The following TESK2 variants were observed in gnomAD, a reference collection of about 807,000 sequenced individuals.
TESK2 encodes dual specificity testis-specific protein kinase 2.
In TESK2, 39 loss-of-function variants were observed where a neutral mutation model predicts 57.1. The observed-to-expected ratio is 0.68, with a 90% CI of 0.53 to 0.89. TESK2 has a LOEUF of 0.89. TESK2 is among the 40% of genes least tolerant of loss of function. The pLI, the probability that TESK2 is intolerant of heterozygous loss-of-function variation, is 0.00. For synonymous variants in TESK2, 249 were observed against 267.9 expected (o/e 0.93, Z 0.69); for missense variants, 646 against 732.1 (o/e 0.88, Z 1.36).
chr1:45,345,559 C>G lies in TESK2; in HGVS notation c.998-1G>C. 6.2e-7 allele frequency: 1 copy of G among 1,611,280 alleles called. No individual in the cohort carries two copies. Among genetic ancestry groups the G allele is most frequent in the African/African-American group, 1.3e-5 (1 of 74,954 alleles). On this transcript the variant is annotated splice_acceptor_variant, in intron 10 of 10. Transcript: ENST00000372086. LOFTEE classifies it high-confidence loss of function. ...ACCCCAGGTGCTTTCTCCAAGAGTC[C>G]TGAAGAATAATCAAGTCTGGGTTAC...
chr1:45,399,005 A>AAAC, intron 3 of TESK2: 2 of 435,328 alleles, frequency 4.6e-6, no homozygotes, highest in South Asian at 1.7e-5. Context: ...AAAAAAAAAA[A>AAAC]AACAAGCCTT....
intron 2 of TESK2, among the ~76,000 whole-genome samples, chr1:45,432,920 C>T (rs1215857074): frequency 6.6e-6 from 1 of 150,648 alleles, no homozygotes; most frequent in Non-Finnish European, 1.5e-5. Context: ...CATGCCGCCA[C>T]ACCCAGCTAA....
chr1:45,485,197 G>GT (rs111369971), intron 1 of TESK2, among the ~76,000 whole-genome samples: 29,809 of 147,896 alleles, frequency 0.2, 3,419 homozygotes, highest in Non-Finnish European at 0.27. Context: ...TTTGTTTTTT[G>GT]TTTTTTTTTG....
At chr1:45,370,566 G>C (rs930984964) in intron 4 of TESK2, among the ~76,000 whole-genome samples, 1 of 152,134 alleles carries the variant, frequency 6.6e-6, no homozygotes, top group Non-Finnish European at 1.5e-5. Flanking sequence ...CATAGGAGGG[G>C]TACCAAACTA....
intron 3 of TESK2, chr1:45,398,974 C>T: frequency 2.9e-6 from 1 of 348,388 alleles, no homozygotes; most frequent in Non-Finnish European, 5.3e-6. Context: ...CTCCATTGGA[C>T]TAGGACCTGA....
chr1:45,476,839 T>G (rs1415461369), intron 1 of TESK2, among the ~76,000 whole-genome samples: 1 of 150,618 alleles, frequency 6.6e-6, no homozygotes, highest in East Asian at 2.0e-4. Flanking sequence ...AGAGTGAGAC[T>G]CCATCTCAAA....
At chr1:45,391,042 C>T (rs1425271482) in intron 3 of TESK2, among the ~76,000 whole-genome samples, 6 of 151,736 alleles carry the variant, frequency 4.0e-5, no homozygotes, top group South Asian at 2.1e-4. Flanking sequence ...CCCAGCCTCC[C>T]GAGTAGCTGG....
chr1:45,465,410 A>C (rs1202264794), intron 1 of TESK2, among the ~76,000 whole-genome samples: 3 of 113,088 alleles, frequency 2.7e-5, no homozygotes, highest in Non-Finnish European at 5.6e-5. Flanking sequence ...GACTCCAAAA[A>C]AGAAAGAGAG....
chr1:45,390,762 ATTG>A (rs1649102892), intron 3 of TESK2, among the ~76,000 whole-genome samples: 1 of 149,326 alleles, frequency 6.7e-6, no homozygotes, highest in South Asian at 2.1e-4. Context: ...TATTATTATT[ATTG>A]TTATTGTTAT....
intron 3 of TESK2, among the ~76,000 whole-genome samples, chr1:45,411,062 T>C (rs1650023131): frequency 6.6e-6 from 1 of 152,202 alleles, no homozygotes; most frequent in African/African-American, 2.4e-5. Context: ...GGGGAGAGAA[T>C]TCTGCTAAAA....
At chr1:45,441,818 T>C (rs1366769033) in intron 2 of TESK2, among the ~76,000 whole-genome samples, 1 of 152,098 alleles carries the variant, frequency 6.6e-6, no homozygotes, top group Non-Finnish European at 1.5e-5. Flanking sequence ...GGTTTCACCA[T>C]GTTGGCCACG....
chr1:45,436,266 C>T (rs1651217593), intron 2 of TESK2, among the ~76,000 whole-genome samples: 1 of 133,656 alleles, frequency 7.5e-6, no homozygotes. Context: ...TTCACTGCAA[C>T]CTCCACCTCC....
intron 3 of TESK2, among the ~76,000 whole-genome samples, chr1:45,386,642 A>G (rs1648909588): frequency 6.6e-6 from 1 of 151,506 alleles, no homozygotes; most frequent in African/African-American, 2.4e-5. Flanking sequence ...TGTACACTGT[A>G]CCCCATATGT....
intron 4 of TESK2, among the ~76,000 whole-genome samples, chr1:45,355,819 G>A (rs370949673): frequency 6.6e-6 from 1 of 152,194 alleles, no homozygotes; most frequent in African/African-American, 2.4e-5. Flanking sequence ...AAAGTAGCAC[G>A]AAAGACACAG....
intron 4 of TESK2, among the ~76,000 whole-genome samples, chr1:45,365,648 G>A (rs1262347837): frequency 6.6e-6 from 1 of 150,652 alleles, no homozygotes; most frequent in Non-Finnish European, 1.5e-5. Flanking sequence ...TGAGTAGCTG[G>A]GATTACAGGC....
At chr1:45,419,923 G>A (rs1412177893) in intron 3 of TESK2, among the ~76,000 whole-genome samples, 1 of 152,146 alleles carries the variant, frequency 6.6e-6, no homozygotes, top group African/African-American at 2.4e-5. Flanking sequence ...AGGATAAAAA[G>A]TTTCAAGTAA....
At chr1:45,426,008 T>A (rs576132008) in intron 2 of TESK2, among the ~76,000 whole-genome samples, 46 of 150,598 alleles carry the variant, frequency 3.1e-4, no homozygotes, top group Admixed American at 4.6e-4. Context: ...AAAAACTAGC[T>A]GAGCGTGATG....
At chr1:45,458,144 A>G (rs1312954934) in intron 1 of TESK2, among the ~76,000 whole-genome samples, 1 of 152,204 alleles carries the variant, frequency 6.6e-6, no homozygotes, top group Non-Finnish European at 1.5e-5. Context: ...TTGAGCACCT[A>G]CTTTCTAGGA....
At chr1:45,436,181 C>CTTTTTTTTGTTT (rs1651208828) in intron 2 of TESK2, among the ~76,000 whole-genome samples, 1 of 56,604 alleles carries the variant, frequency 1.8e-5, no homozygotes, top group Non-Finnish European at 3.3e-5. Context: ...TTGGTATCTT[C>CTTTTTTTTGTTT]TTTTTTTTTT....
Sources: allele counts gnomAD v4.1 joint callset (sites outside exome capture counted in the v4.1 genomes callset), GRCh38; gene constraint gnomAD v4.1.1; transcripts MANE v1.5; gene names NCBI Gene and HGNC (gene_info 2026-07-23, HGNC 2026-07-21).